The following SP110 variants were observed in gnomAD, a reference collection of about 807,000 sequenced individuals.
SP110 encodes SP110 nuclear body protein.
Under a neutral mutation model 92.7 loss-of-function variants are expected in SP110, and 62 were observed. That is an observed-to-expected ratio of 0.67 (90% CI 0.55 to 0.83). The LOEUF (loss-of-function observed/expected upper bound fraction) is 0.83, where lower values mean the gene tolerates loss of function less well. SP110 is among the 40% of genes least tolerant of loss of function. The pLI is 0.00. For synonymous variants in SP110, 273 were observed against 305.3 expected, an observed-to-expected ratio of 0.89 and a Z score of 1.10; for missense variants, 793 against 863.9, an observed-to-expected ratio of 0.92 and a Z score of 1.03.
At position 230,178,768 on chromosome 2, in the gene SP110, A is replaced by T. The variant is rs545569429; in HGVS notation, c.1349-513T>A. Among the ~76,000 whole-genome samples, 112 of 152,344 alleles carry T rather than the reference A, an allele frequency of 7.4e-4. 3 individuals carry two copies. In the South Asian group the frequency reaches 0.023, roughly 31 times the overall value. On this transcript the variant is annotated intron_variant, in intron 12 of 18. Transcript: ENST00000258381. Reference sequence around the variant, plus strand: ...TTGCTTCCCTGCTTCTTCCTCGATGAATAAAAGAAAACCCTGGAGAGCTTT... The same window carrying T: ...TTGCTTCCCTGCTTCTTCCTCGATGTATAAAAGAAAACCCTGGAGAGCTTT...
chr2:230,199,312 G>A (rs1162251488), intron 10 of SP110, among the ~76,000 whole-genome samples: 3 of 142,078 alleles, frequency 2.1e-5, no homozygotes, highest in Non-Finnish European at 4.5e-5. Flanking sequence ...GGGTTCAAGC[G>A]ATTCTCCTTC....
chr2:230,184,017 A>G (rs1315777486), intron 11 of SP110, among the ~76,000 whole-genome samples: 1 of 152,178 alleles, frequency 6.6e-6, no homozygotes, highest in Non-Finnish European at 1.5e-5. Flanking sequence ...TGTTTCTTCA[A>G]TCTGATAACC....
At chr2:230,175,010 G>T (rs1440741815) in intron 14 of SP110, among the ~76,000 whole-genome samples, 1 of 152,134 alleles carries the variant, frequency 6.6e-6, no homozygotes, top group Non-Finnish European at 1.5e-5. Context: ...TTACCATGTT[G>T]GGGCTATTAA....
intron 11 of SP110, among the ~76,000 whole-genome samples, chr2:230,184,390 T>C (rs2148737430): frequency 6.6e-6 from 1 of 152,218 alleles, no homozygotes; most frequent in East Asian, 1.9e-4. Flanking sequence ...CTGGCAATGT[T>C]TGGAAATCTA....
Position 230,208,032 on chromosome 2 carries a change from G to A in SP110, c.857C>T (p.Ser286Leu). Residue 286 changes from serine (S) to leucine (L), a missense_variant, in exon 8 of 19, where the codon TCA becomes TTA. Physicochemically the swap from Ser to Leu is moderately radical, Grantham distance 145. Coordinates refer to ENST00000258381, the MANE Select transcript of SP110 (RefSeq NM_080424.4). ...TTTCTTATGTCTCCTTTTTGGAGTT[G>A]ACCAGATACATCTTTTTCTTTTCTT... The part of the protein sequence containing the change: ...KGKKRKRCIW[S>L]TPKRRHKKKS... 6.4e-7 allele frequency: 1 copy of A among 1,564,470 alleles called. No individual in the cohort carries two copies. Among genetic ancestry groups the A allele is most frequent in the Non-Finnish European group, 8.8e-7 (1 of 1,136,998 alleles).
At chr2:230,176,736 A>G (rs199790465) in intron 14 of SP110, 1 of 1,613,878 alleles carries the variant, frequency 6.2e-7, no homozygotes, top group Non-Finnish European at 8.5e-7. Context: ...TGAAAGACAG[A>G]AGGAGTCAAT....
chr2:230,186,761 G>C (rs1388252002), intron 10 of SP110, among the ~76,000 whole-genome samples: 3 of 152,008 alleles, frequency 2.0e-5, no homozygotes, highest in Non-Finnish European at 2.9e-5. Context: ...ACAGTATTTG[G>C]TTTTCCATTC....
intron 14 of SP110, among the ~76,000 whole-genome samples, chr2:230,175,748 T>G (rs2041827358): frequency 6.6e-6 from 1 of 152,132 alleles, no homozygotes; most frequent in Admixed American, 6.5e-5. Context: ...AATAGATGAC[T>G]GCCATTTCCA....
intron 10 of SP110, 76 bp downstream of exon 10, chr2:230,200,809 T>C: frequency 1.8e-6 from 2 of 1,128,828 alleles, no homozygotes; most frequent in Non-Finnish European, 1.4e-6. Flanking sequence ...TTAAGAAATA[T>C]TGCCTCAGTG....
At chr2:230,173,228 C>T (rs2041696708) in intron 14 of SP110, 1 of 418,356 alleles carries the variant, frequency 2.4e-6, no homozygotes, top group Non-Finnish European at 4.6e-6. Context: ...TTGAGCTGTG[C>T]TGCTGCCTGC....
chr2:230,214,393 C>T (rs1051354640), intron 3 of SP110, among the ~76,000 whole-genome samples: 1 of 152,044 alleles, frequency 6.6e-6, no homozygotes, highest in East Asian at 1.9e-4. Flanking sequence ...ATTGGGAGAC[C>T]CAAGTAGGAC....
upstream of SP110, chr2:230,221,656 G>T (rs1360307785): frequency 1.3e-6 from 2 of 1,512,512 alleles, no homozygotes; most frequent in East Asian, 4.9e-5. Context: ...GGGGATGGCG[G>T]TGGTAAAGGA....
At chr2:230,183,431 C>G in intron 12 of SP110, 141 bp downstream of exon 12, 1 of 749,898 alleles carries the variant, frequency 1.3e-6, no homozygotes, top group Non-Finnish European at 2.4e-6. Flanking sequence ...CTGATGCACC[C>G]AATTCAGCTG....
At chr2:230,179,824 C>T (rs971794372) in intron 12 of SP110, among the ~76,000 whole-genome samples, 17 of 151,926 alleles carry the variant, frequency 1.1e-4, no homozygotes, top group Admixed American at 3.3e-4. Context: ...TTGGGGGCCA[C>T]GGGTAGCAAG....
intron 10 of SP110, among the ~76,000 whole-genome samples, chr2:230,196,516 CTT>C (rs1256606127): frequency 6.6e-6 from 1 of 150,424 alleles, no homozygotes; most frequent in African/African-American, 2.4e-5. Context: ...AGATGTTTAA[CTT>C]TATGATTTAT....
intron 18 of SP110, among the ~76,000 whole-genome samples, chr2:230,170,069 A>C (rs7590861): frequency 0.29 from 44,110 of 152,084 alleles, 6,532 homozygotes; most frequent in African/African-American, 0.32. Context: ...AAAATCAGGA[A>C]AAACCAAAGT....
chr2:230,196,642 T>C, intron 10 of SP110, among the ~76,000 whole-genome samples: 1 of 152,034 alleles, frequency 6.6e-6, no homozygotes, highest in Non-Finnish European at 1.5e-5. Flanking sequence ...GCTGCACCCA[T>C]TAACTCGTCA....
chr2:230,177,662 A>G lies in SP110; in HGVS notation c.1466T>C (p.Ile489Thr). Residue 489 changes from isoleucine (I) to threonine (T), a missense_variant, in exon 14 of 19, where the codon ATT becomes ACT. Transcript: ENST00000258381. ...TAACCAAGTTCCATCCTCATTCCGA[A>G]TGCACTTCACTGAGGATCCTGTAAG... ...KMKHGSSVKC[I>T]RNEDGTWLTP... 1.2e-6 allele frequency: 2 copies of G among 1,614,094 alleles called. No individual in the cohort carries two copies. The highest frequency in any genetic ancestry group is 1.7e-6 in the Non-Finnish European group (2 of 1,179,994).
intron 14 of SP110, among the ~76,000 whole-genome samples, chr2:230,176,944 G>A (rs1187467290): frequency 1.3e-5 from 2 of 152,026 alleles, no homozygotes; most frequent in Non-Finnish European, 2.9e-5. Flanking sequence ...TCAAACCCAC[G>A]ACCCTAGTTC....
Sources: gnomAD v4.1 joint callset for allele counts (sites outside exome capture counted in the v4.1 genomes callset) on GRCh38, gnomAD v4.1.1 for gene constraint, MANE v1.5 for transcripts, NCBI Gene and HGNC (gene_info 2026-07-23, HGNC 2026-07-21) for gene names.